Variants in FAM227A observed in about 807,000 individuals in gnomAD.
FAM227A encodes the protein protein FAM227A.
FAM227A carries 80 observed loss-of-function variants against 74.7 expected under a neutral mutation model. The observed-to-expected ratio is 1.07, with a 90% CI of 0.89 to 1.29. The LOEUF (loss-of-function observed/expected upper bound fraction) is 1.29, where lower values mean the gene tolerates loss of function less well. Ranked by LOEUF, FAM227A falls within the 50% of genes most tolerant of loss-of-function variation. The probability of loss-of-function intolerance (pLI) is 0.00; values close to 1 mark genes in which losing one functional copy is unlikely to be tolerated. For synonymous variants in FAM227A, 237 were observed against 241.8 expected, an observed-to-expected ratio of 0.98 and a Z score of 0.19; for missense variants, 654 against 683.4, an observed-to-expected ratio of 0.96 and a Z score of 0.48.
intron 3 of FAM227A, among the ~76,000 whole-genome samples, chr22:38,642,385 GA>G (rs1475681993): frequency 6.6e-6 from 1 of 152,096 alleles, no homozygotes. Flanking sequence ...AACTCAAAAT[GA>G]ATCAAAATCA....
intron 10 of FAM227A, among the ~76,000 whole-genome samples, chr22:38,621,607 C>A (rs570718106): frequency 6.6e-6 from 1 of 152,126 alleles, no homozygotes; most frequent in South Asian, 2.1e-4. Flanking sequence ...TCCAAAAAAC[C>A]AAAAAGTGTC....
intron 6 of FAM227A, among the ~76,000 whole-genome samples, chr22:38,631,369 G>C (rs1197101324): frequency 1.3e-5 from 2 of 152,028 alleles, no homozygotes; most frequent in African/African-American, 4.8e-5. Context: ...GGAAACAATA[G>C]ACACGGGGGA....
intron 2 of FAM227A, among the ~76,000 whole-genome samples, chr22:38,648,908 G>T (rs1298183474): frequency 1.3e-5 from 2 of 151,300 alleles, no homozygotes; most frequent in Non-Finnish European, 2.9e-5. Context: ...GGAGGCAGAG[G>T]TTGCAGTGAG....
chr22:38,589,557 G>A (rs1181147385), intron 16 of FAM227A, among the ~76,000 whole-genome samples: 5 of 152,036 alleles, frequency 3.3e-5, no homozygotes, highest in African/African-American at 4.8e-5. Flanking sequence ...GAGCACTCCC[G>A]ACCTCAGTGA....
intron 11 of FAM227A, among the ~76,000 whole-genome samples, chr22:38,610,554 A>C (rs1175717777): frequency 6.6e-6 from 1 of 152,084 alleles, no homozygotes; most frequent in African/African-American, 2.4e-5. Flanking sequence ...TTGTCAAATA[A>C]AGATAAGAAG....
At chr22:38,630,292 A>G (rs2091892251) in intron 6 of FAM227A, among the ~76,000 whole-genome samples, 1 of 152,144 alleles carries the variant, frequency 6.6e-6, no homozygotes, top group South Asian at 2.1e-4. Context: ...AGCCTCATCC[A>G]CTCGTAAGGA....
At chr22:38,611,281 G>A (rs1255031575) in intron 11 of FAM227A, among the ~76,000 whole-genome samples, 1 of 152,116 alleles carries the variant, frequency 6.6e-6, no homozygotes, top group Non-Finnish European at 1.5e-5. Context: ...AGTTGTTATT[G>A]TACAGAGTTG....
chr22:38,645,395 AAAAT>A (rs1354118812), intron 3 of FAM227A, among the ~76,000 whole-genome samples, 164 bp downstream of exon 3: 1 of 152,200 alleles, frequency 6.6e-6, no homozygotes, highest in African/African-American at 2.4e-5. Flanking sequence ...ATCTCAAAAA[AAAAT>A]AAAAAATGTT....
At chr22:38,607,971 AG>A (rs1242490406) in intron 11 of FAM227A, among the ~76,000 whole-genome samples, 1 of 152,132 alleles carries the variant, frequency 6.6e-6, no homozygotes, top group Non-Finnish European at 1.5e-5. Flanking sequence ...CCAGTCTAGC[AG>A]GGGAGATAAC....
intron 11 of FAM227A, among the ~76,000 whole-genome samples, chr22:38,614,441 A>C (rs959758664): frequency 5.2e-4 from 79 of 152,220 alleles, no homozygotes; most frequent in African/African-American, 1.9e-3. Context: ...AATCCCTAAC[A>C]CTTAAACAAG....
chr22:38,626,897 T>C (rs1259225888), intron 8 of FAM227A, among the ~76,000 whole-genome samples: 23 of 75,146 alleles, frequency 3.1e-4, no homozygotes, highest in African/African-American at 1.1e-3. Context: ...AAAAAATATA[T>C]ATATATATAT....
At chr22:38,613,100 TATA>T (rs1473515532) in intron 11 of FAM227A, among the ~76,000 whole-genome samples, 11 of 95,910 alleles carry the variant, frequency 1.1e-4, no homozygotes, top group Non-Finnish European at 2.0e-4. Flanking sequence ...ATATATTATA[TATA>T]ATTATATATA....
Position 38,635,799 on chromosome 22 carries a change from A to G in FAM227A, c.519+652T>C, listed in dbSNP as rs558025538. Among the ~76,000 whole-genome samples the G allele has an allele frequency of 2.0e-5, 3 of 152,246 alleles. No homozygotes were observed. The East Asian group carries it at 5.8e-4, about 29-fold the overall frequency. On this transcript the variant is annotated intron_variant, in intron 6 of 16. Coordinates refer to ENST00000535113, the MANE Select transcript of FAM227A (RefSeq NM_001013647.2). ...AAGATGGCTTGAGCCCTGGAGTTGG[A>G]GAATAGCCTGGGCAACCTAGCAAGA...
chr22:38,631,814 A>C (rs1217569321), intron 6 of FAM227A, among the ~76,000 whole-genome samples: 1 of 152,202 alleles, frequency 6.6e-6, no homozygotes, highest in African/African-American at 2.4e-5. Context: ...GAACACTGTG[A>C]CATTGGTGTT....
chr22:38,628,464 C>A, intron 7 of FAM227A, 122 bp from the exon 8 acceptor site: 1 of 681,884 alleles, frequency 1.5e-6, no homozygotes, highest in Non-Finnish European at 2.6e-6. Context: ...GATATTTAGC[C>A]TCATATGCTT....
At chr22:38,594,690 C>T (rs146033331) in intron 15 of FAM227A, among the ~76,000 whole-genome samples, 4,795 of 152,166 alleles carry the variant, frequency 0.032, 100 homozygotes, top group Middle Eastern at 0.068. Context: ...TGGCCGGGTG[C>T]GGTGGCTCAT....
intron 14 of FAM227A, among the ~76,000 whole-genome samples, chr22:38,598,921 C>T (rs1025093978): frequency 4.0e-5 from 6 of 151,672 alleles, no homozygotes; most frequent in African/African-American, 1.2e-4. Flanking sequence ...GCTGCTAAGA[C>T]TCAGGACACC....
At chr22:38,634,456 T>A (rs2091967639) in intron 6 of FAM227A, among the ~76,000 whole-genome samples, 1 of 152,164 alleles carries the variant, frequency 6.6e-6, no homozygotes, top group Non-Finnish European at 1.5e-5. Context: ...AAACTACCGT[T>A]TTCTTAGAAT....
At chr22:38,637,085 A>G (rs181391493) in intron 5 of FAM227A, among the ~76,000 whole-genome samples, 6 of 152,286 alleles carry the variant, frequency 3.9e-5, no homozygotes, top group Admixed American at 3.9e-4. Flanking sequence ...GATTTGAGGA[A>G]ATGTACACGA....
Sources: allele counts gnomAD v4.1 joint callset (sites outside exome capture counted in the v4.1 genomes callset), GRCh38; gene constraint gnomAD v4.1.1; transcripts MANE v1.5; gene names NCBI Gene and HGNC (gene_info 2026-07-23, HGNC 2026-07-21).